The following GEMIN8 variants were observed in gnomAD, a reference collection of about 807,000 sequenced individuals.
GEMIN8 encodes gem-associated protein 8.
For synonymous variants in GEMIN8, 80 were observed against 78.5 expected (o/e 1.02, Z -0.10); for missense variants, 185 against 205.9 (o/e 0.90, Z 0.62).
chrX:14,008,991 G>A lies in GEMIN8; in HGVS notation c.651C>T (p.Ala217=), dbSNP rs752165172. 12 of 1,210,268 alleles carry A rather than the reference G, an allele frequency of 9.9e-6. No individual in the cohort carries two copies. Among genetic ancestry groups the A allele is most frequent in the South Asian group, 3.5e-5 (2 of 56,963 alleles). Residue 217 remains alanine (A), a synonymous_variant, in exon 5 of 5, where the codon GCC becomes GCT. Transcript: ENST00000680255. ...GCTTGTCAAAGCTCAGCTGCACCGCGGCCTCCATGGCTTGGATCTTGGCAG... is the reference window on the plus strand; with the variant it reads ...GCTTGTCAAAGCTCAGCTGCACCGCAGCCTCCATGGCTTGGATCTTGGCAG... ...DSAAKIQAME[A]AVQLSFDKHC...
rs751606336 is a variant in GEMIN8 at position 14,020,031 on chromosome X, G to T, written c.472+47C>A. Reference sequence around the variant, plus strand: ...TATATTAGAGAAAAAAAATGTAAAAGGCAGGGCAAGGAAAGGAAGCATGAA... The same window carrying T: ...TATATTAGAGAAAAAAAATGTAAAATGCAGGGCAAGGAAAGGAAGCATGAA... On this transcript the variant is annotated intron_variant, in intron 4 of 4. Coordinates refer to ENST00000680255, the MANE Select transcript of GEMIN8 (RefSeq NM_001042479.2). The T allele has an allele frequency of 8.3e-6, 6 of 726,324 alleles. No individual in the cohort carries two copies. In the African/African-American group the frequency reaches 1.3e-4, roughly 16 times the overall value. 59.9% of individuals were successfully genotyped at this position (726,324 alleles called of 1,213,427 possible).
chrX:14,020,037 G>T, intron 4 of GEMIN8, 41 bp downstream of exon 4: 1 of 775,510 alleles, frequency 1.3e-6, no homozygotes, highest in Non-Finnish European at 1.9e-6. Context: ...AAAAGGCAGG[G>T]CAAGGAAAGG....
intron 4 of GEMIN8, among the ~76,000 whole-genome samples, chrX:14,017,086 A>C (rs1484987569): frequency 1.9e-5 from 2 of 107,652 alleles, no homozygotes; most frequent in African/African-American, 6.7e-5. Flanking sequence ...CACAATTACT[A>C]CCCATTAGGG....
At chrX:14,005,440 T>C (rs1476861743), downstream of GEMIN8, among the ~76,000 whole-genome samples, 1 of 111,428 alleles carries the variant, frequency 9.0e-6, no homozygotes, top group Non-Finnish European at 1.9e-5. Flanking sequence ...CATGTGGAGG[T>C]TCCTGAAGGG....
chrX:13,986,094 C>T, the GEMIN8 span, among the ~76,000 whole-genome samples: 1 of 112,240 alleles, frequency 8.9e-6, no homozygotes, highest in Non-Finnish European at 1.9e-5. Flanking sequence ...CAACAACAAA[C>T]TTGAAACATC....
intron 1 of GEMIN8, 26 bp from the exon 2 acceptor site, chrX:14,026,247 C>A: frequency 1.3e-6 from 1 of 751,740 alleles, no homozygotes; most frequent in Non-Finnish European, 1.6e-6. Context: ...TTGGCAATGT[C>A]AGGGAAGGCC....
At chrX:14,020,834 G>A (rs975486377) in intron 3 of GEMIN8, among the ~76,000 whole-genome samples, 4 of 111,261 alleles carry the variant, frequency 3.6e-5, no homozygotes, top group Non-Finnish European at 7.5e-5. Flanking sequence ...TAGATGAGAC[G>A]CAGGGAGAGA....
chrX:14,002,490 G>A (rs1051118382), downstream of GEMIN8, among the ~76,000 whole-genome samples: 3 of 110,925 alleles, frequency 2.7e-5, no homozygotes, highest in African/African-American at 9.8e-5. Flanking sequence ...ATTTTATTTA[G>A]TTATTTATTT....
At chrX:14,016,004 C>T (rs1044448705) in intron 4 of GEMIN8, among the ~76,000 whole-genome samples, 9 of 111,987 alleles carry the variant, frequency 8.0e-5, no homozygotes, top group Admixed American at 5.7e-4. Context: ...AACAGTTGTT[C>T]ATCCTGTACT....
intron 4 of GEMIN8, among the ~76,000 whole-genome samples, chrX:14,012,720 C>T (rs1364306875): frequency 9.0e-6 from 1 of 111,456 alleles, no homozygotes; most frequent in Non-Finnish European, 1.9e-5. Context: ...TTGTAAACAG[C>T]TCTTTTCCTT....
In GEMIN8 at chrX:14,021,814, GTA is replaced by G. The variant is rs147147045; in HGVS notation, c.-33-305_-33-304del. On this transcript the variant is annotated intron_variant, in intron 2 of 4. Transcript: ENST00000680255. The stretch of plus-strand genomic sequence containing the variant: ...TAAATATTTAGTAGTTAATGTGTGT[GTA>G]TATATATATATATATATATATATAT... 6.3e-3 allele frequency among the ~76,000 whole-genome samples: 494 copies of G among 78,180 alleles called. 8 individuals are homozygous for G. Among genetic ancestry groups the G allele is most frequent in the East Asian group, 0.049 (111 of 2,286 alleles). The allele number at this position is 78,180 out of a possible 115,157, so 67.9% of individuals were successfully genotyped here. A position where few individuals can be genotyped will look rare whatever the true frequency, so the allele number is the denominator to read the frequency against.
At chrX:14,029,102 C>G (rs1293574892) in intron 1 of GEMIN8, among the ~76,000 whole-genome samples, 3 of 111,714 alleles carry the variant, frequency 2.7e-5, no homozygotes. Context: ...AAGGGAACAT[C>G]AAGATTTCAG....
At chrX:14,000,045 G>GCC in the GEMIN8 span, among the ~76,000 whole-genome samples, 1 of 111,016 alleles carries the variant, frequency 9.0e-6, no homozygotes, top group Admixed American at 9.6e-5. Context: ...TGGCTCACAC[G>GCC]TGTAATCCCA....
downstream of GEMIN8, among the ~76,000 whole-genome samples, chrX:14,001,768 C>T (rs1290607085): frequency 9.1e-6 from 1 of 110,275 alleles, no homozygotes; most frequent in Non-Finnish European, 1.9e-5. Context: ...GCCTCGGCCT[C>T]CCAGAGTGTT....
the GEMIN8 span, among the ~76,000 whole-genome samples, chrX:13,999,076 TTTG>T: frequency 1.8e-5 from 2 of 111,173 alleles, no homozygotes; most frequent in African/African-American, 6.6e-5. Flanking sequence ...ATATTAAATT[TTTG>T]TTTTTTTTTA....
In GEMIN8 at chrX:14,020,552, G is replaced by A. The variant is rs1189444653; in HGVS notation, c.16-18C>T. The A allele has an allele frequency of 9.9e-7, 1 of 1,010,520 alleles. No individual in the cohort carries two copies. Among genetic ancestry groups the A allele is most frequent in the Non-Finnish European group, 1.4e-6 (1 of 717,477 alleles). The allele number at this position is 1,010,520 out of a possible 1,213,427, so 83.3% of individuals were successfully genotyped here. A position where few individuals can be genotyped will look rare whatever the true frequency, so the allele number is the denominator to read the frequency against. ...GTTGATGCCTACAAAATGAAAGGAG[G>A]TGGAGGGTGGACACCAAAGTGTTTA... On this transcript the variant is annotated intron_variant, in intron 3 of 4. Coordinates refer to ENST00000680255, the MANE Select transcript of GEMIN8 (RefSeq NM_001042479.2).
At chrX:13,999,551 C>T in the GEMIN8 span, among the ~76,000 whole-genome samples, 1 of 111,847 alleles carries the variant, frequency 8.9e-6, no homozygotes, top group South Asian at 3.7e-4. Flanking sequence ...GCTGGGATTA[C>T]AGGCGTGAGC....
downstream of GEMIN8, among the ~76,000 whole-genome samples, chrX:14,002,097 CAAAAAAAA>C (rs59550732): frequency 5.1e-4 from 12 of 23,632 alleles, no homozygotes; most frequent in Admixed American, 6.5e-4. Flanking sequence ...TGCACTCCAG[CAAAAAAAA>C]AAAAAAAAAA....
chrX:14,022,599 CT>C (rs11353765), intron 2 of GEMIN8, among the ~76,000 whole-genome samples: 7,522 of 106,313 alleles, frequency 0.071, 645 homozygotes, highest in African/African-American at 0.23. Context: ...TTAAAATAGA[CT>C]TTTTTTTTTT....
Sources: gnomAD v4.1 joint callset for allele counts (sites outside exome capture counted in the v4.1 genomes callset) on GRCh38, gnomAD v4.1.1 for gene constraint, MANE v1.5 for transcripts, NCBI Gene and HGNC (gene_info 2026-07-23, HGNC 2026-07-21) for gene names.